SLC12A8: variants seen among roughly 807,000 people sequenced by gnomAD.
SLC12A8 encodes solute carrier family 12 member 8.
Under a neutral mutation model 75.6 loss-of-function variants are expected in SLC12A8, and 69 were observed. The ratio of observed to expected loss-of-function variants is 0.91; its 90% CI spans 0.75 to 1.11. The LOEUF is 1.11. Among genes scored for constraint, SLC12A8 ranks in the 50% most tolerant of loss-of-function variants. SLC12A8 has a pLI of 0.00. For synonymous variants in SLC12A8, 365 were observed against 372.8 expected, an observed-to-expected ratio of 0.98 and a Z score of 0.24; for missense variants, 877 against 896.7, an observed-to-expected ratio of 0.98 and a Z score of 0.28.
chr3:125,187,261 G>A lies in SLC12A8; in HGVS notation c.366C>T (p.Ile122=), dbSNP rs757205892. Residue 122 remains isoleucine (I), a synonymous_variant, in exon 4 of 14, where the codon ATC becomes ATT. Transcript: ENST00000469902. ...CCTGTCCAAACACATAGAGCAGCCC[G>A]ATGGTGCCTCCCGTCTGCCCACCCA... is the stretch of plus-strand genomic sequence containing the variant. ...SVLGGQTGGT[I]GLLYVFGQCV... 60 of 1,614,176 alleles carry A rather than the reference G, an allele frequency of 3.7e-5. No individual in the cohort carries two copies. Among genetic ancestry groups the A allele is most frequent in the East Asian group, 1.8e-4 (8 of 44,886 alleles).
rs564014249 is a variant in SLC12A8 at position 125,144,904 on chromosome 3, T to A, written c.623-9122A>T. 2.0e-5 allele frequency among the ~76,000 whole-genome samples: 3 copies of A among 152,174 alleles called. No homozygotes were observed. The South Asian group carries it at 6.2e-4, about 32-fold the overall frequency. On this transcript the variant is annotated intron_variant, in intron 5 of 13. Coordinates refer to ENST00000469902, the MANE Select transcript of SLC12A8 (RefSeq NM_024628.6). Reference sequence around the variant, plus strand: ...CACCGATATGTAAGCAGAGCCCCCCTCCTGCCAAGCACCAGGCTGAAAATA... The same window carrying A: ...CACCGATATGTAAGCAGAGCCCCCCACCTGCCAAGCACCAGGCTGAAAATA...
chr3:125,102,102 A>G (rs1938891309), intron 10 of SLC12A8, among the ~76,000 whole-genome samples: 1 of 152,248 alleles, frequency 6.6e-6, no homozygotes, highest in South Asian at 2.1e-4. Flanking sequence ...ATAATAGTTT[A>G]TATTACTAAT....
At chr3:125,186,227 AACT>A in intron 4 of SLC12A8, among the ~76,000 whole-genome samples, 1 of 152,078 alleles carries the variant, frequency 6.6e-6, no homozygotes, top group Non-Finnish European at 1.5e-5. Flanking sequence ...TCCCCTCTCC[AACT>A]ACTATACTTA....
At chr3:125,138,931 A>G (rs111456590) in intron 5 of SLC12A8, among the ~76,000 whole-genome samples, 2,013 of 151,878 alleles carry the variant, frequency 0.013, 42 homozygotes, top group African/African-American at 0.046. Context: ...GCTGGGGTGG[A>G]AGAATCACTT....
intron 7 of SLC12A8, chr3:125,119,904 G>C (rs1250172294): frequency 2.2e-6 from 1 of 456,706 alleles, no homozygotes; most frequent in South Asian, 1.5e-5. Context: ...GTGGTACAGA[G>C]AGAAACAATA....
At chr3:125,120,222 A>G (rs1200970774) in intron 7 of SLC12A8, among the ~76,000 whole-genome samples, 2 of 147,548 alleles carry the variant, frequency 1.4e-5, no homozygotes, top group Non-Finnish European at 3.0e-5. Flanking sequence ...AATTCGTCTG[A>G]TTGCAAAACT....
At chr3:125,166,882 G>A (rs540743236) in intron 5 of SLC12A8, among the ~76,000 whole-genome samples, 111 of 152,266 alleles carry the variant, frequency 7.3e-4, no homozygotes, top group Non-Finnish European at 1.3e-3. Flanking sequence ...AACAATAGCC[G>A]ACATCACTTA....
chr3:125,180,725 C>T (rs74678275), intron 4 of SLC12A8, among the ~76,000 whole-genome samples: 2,983 of 152,116 alleles, frequency 0.02, 94 homozygotes, highest in African/African-American at 0.067. Context: ...TGTTATTATT[C>T]GCTGCTGAAG....
rs535570315 is a variant in SLC12A8, at chr3:125,140,885, T to TC, written c.623-5104dup. ...CAGGCGTGAGCCACCACGTCTAGCC[T>TC]CCCCAGGGATTTCCAACACTTGTTT... On this transcript the variant is annotated intron_variant, in intron 5 of 13. Transcript: ENST00000469902. Among the ~76,000 whole-genome samples, 349 of 152,156 alleles carry TC rather than the reference T, an allele frequency of 2.3e-3. 1 individual carries two copies. Among genetic ancestry groups the TC allele is most frequent in the African/African-American group, 8.1e-3 (338 of 41,512 alleles).
At chr3:125,152,912 G>A (rs1279859816) in intron 5 of SLC12A8, among the ~76,000 whole-genome samples, 6 of 152,072 alleles carry the variant, frequency 3.9e-5, no homozygotes, top group African/African-American at 1.4e-4. Flanking sequence ...CCTACCTCCT[G>A]GCACCCCGTA....
intron 5 of SLC12A8, among the ~76,000 whole-genome samples, chr3:125,169,958 A>C (rs1934372900): frequency 6.7e-6 from 1 of 148,786 alleles, no homozygotes. Flanking sequence ...AAATCTGGAA[A>C]AGAAAATAGG....
intron 5 of SLC12A8, among the ~76,000 whole-genome samples, chr3:125,139,371 T>A (rs755234089): frequency 9.2e-5 from 14 of 152,092 alleles, no homozygotes; most frequent in Non-Finnish European, 2.1e-4. Context: ...TGGTGGCCCA[T>A]CCCTCACATG....
chr3:125,128,189 T>TTG (rs1383454472), intron 6 of SLC12A8, among the ~76,000 whole-genome samples: 5 of 114,992 alleles, frequency 4.3e-5, no homozygotes, highest in Non-Finnish European at 6.4e-5. Flanking sequence ...TTTTATTTTT[T>TTG]TTTTTTTTTG....
intron 6 of SLC12A8, 74 bp downstream of exon 6, chr3:125,135,595 T>G: frequency 1.1e-6 from 1 of 900,184 alleles, no homozygotes; most frequent in East Asian, 2.6e-5. Context: ...TGCAGGCCAA[T>G]GATGATGCTG....
chr3:125,145,973 C>T lies in SLC12A8; in HGVS notation c.623-10191G>A, dbSNP rs536123680. Among the ~76,000 whole-genome samples, 3 of 152,290 alleles carry T rather than the reference C, an allele frequency of 2.0e-5. No homozygotes were observed. The East Asian group carries it at 5.8e-4, about 29-fold the overall frequency. On this transcript the variant is annotated intron_variant, in intron 5 of 13. Coordinates refer to ENST00000469902, the MANE Select transcript of SLC12A8 (RefSeq NM_024628.6). ...CCTCCTGACTAGCTGAGACAACAGG[C>T]TGGCGCCACCATGCTCAGCTAATTT... is the stretch of plus-strand genomic sequence containing the variant.
intron 12 of SLC12A8, among the ~76,000 whole-genome samples, chr3:125,089,106 T>A (rs1227540567): frequency 6.6e-6 from 1 of 152,214 alleles, no homozygotes; most frequent in African/African-American, 2.4e-5. Flanking sequence ...GAAAATTGAT[T>A]GATTAGATAA....
chr3:125,165,626 G>C (rs1370394705), intron 5 of SLC12A8, among the ~76,000 whole-genome samples: 5 of 152,214 alleles, frequency 3.3e-5, no homozygotes, highest in Admixed American at 3.3e-4. Flanking sequence ...TGGGGGCATG[G>C]AGGGCTCCCT....
At chr3:125,087,242 G>A (rs1286154500) in intron 13 of SLC12A8, among the ~76,000 whole-genome samples, 1 of 151,832 alleles carries the variant, frequency 6.6e-6, no homozygotes, top group African/African-American at 2.4e-5. Flanking sequence ...TTACAGGCAC[G>A]CCACCATGCC....
At chr3:125,181,586 C>A (rs1160441161) in intron 4 of SLC12A8, among the ~76,000 whole-genome samples, 1 of 116,344 alleles carries the variant, frequency 8.6e-6, no homozygotes, top group Non-Finnish European at 1.6e-5. Context: ...CCGGCCTGGG[C>A]GACAGAGCGA....
Sources: allele counts gnomAD v4.1 joint callset (sites outside exome capture counted in the v4.1 genomes callset), GRCh38; gene constraint gnomAD v4.1.1; transcripts MANE v1.5; gene names NCBI Gene and HGNC (gene_info 2026-07-23, HGNC 2026-07-21).